Variants in MYO10 observed in about 807,000 individuals in gnomAD.
MYO10 encodes myosin X.
Under a neutral mutation model 257.3 loss-of-function variants are expected in MYO10, and 133 were observed. That is an observed-to-expected ratio of 0.52 (90% CI 0.45 to 0.60). The LOEUF (loss-of-function observed/expected upper bound fraction) is 0.60, where lower values mean the gene tolerates loss of function less well. Ranked by LOEUF, MYO10 falls within the 20% of genes least tolerant of loss-of-function variation. The pLI is 0.00. For synonymous variants in MYO10, 1,104 were observed against 1,028.6 expected (o/e 1.07, Z -1.40); for missense variants, 2,399 against 2,635.7 (o/e 0.91, Z 1.97).
intron 19 of MYO10, among the ~76,000 whole-genome samples, chr5:16,749,397 G>A (rs1403576414): frequency 1.3e-5 from 2 of 151,130 alleles, no homozygotes; most frequent in African/African-American, 4.9e-5. Flanking sequence ...TGAGGCAGGA[G>A]AATCGCTTGA....
intron 11 of MYO10, among the ~76,000 whole-genome samples, chr5:16,765,478 C>T (rs1206044469): frequency 6.6e-6 from 1 of 152,162 alleles, no homozygotes. Flanking sequence ...ATAAACTCCC[C>T]TTTATATCTA....
At chr5:16,850,677 G>T (rs925789156) in intron 2 of MYO10, among the ~76,000 whole-genome samples, 7 of 152,042 alleles carry the variant, frequency 4.6e-5, no homozygotes, top group Non-Finnish European at 8.8e-5. Flanking sequence ...AGGAGGAAAA[G>T]ACCACATATA....
chr5:16,853,910 CT>C (rs1743886566), intron 2 of MYO10: 1 of 152,012 alleles, frequency 6.6e-6, no homozygotes, highest in Non-Finnish European at 1.5e-5. Flanking sequence ...CCTTCCTTAT[CT>C]TTCAATCTTC....
At chr5:16,712,751 A>C (rs570126239) in intron 19 of MYO10, among the ~76,000 whole-genome samples, 27 of 152,366 alleles carry the variant, frequency 1.8e-4, no homozygotes, top group Non-Finnish European at 3.2e-4. Flanking sequence ...TTTCTTCTAC[A>C]AACACTGTGG....
At chr5:16,828,009 G>A (rs1458530730) in intron 2 of MYO10, among the ~76,000 whole-genome samples, 1 of 152,186 alleles carries the variant, frequency 6.6e-6, no homozygotes, top group Non-Finnish European at 1.5e-5. Context: ...AGGGCCACGT[G>A]TTCAGAGATG....
At chr5:16,914,749 C>T (rs1745768571) in intron 1 of MYO10, among the ~76,000 whole-genome samples, 1 of 152,148 alleles carries the variant, frequency 6.6e-6, no homozygotes, top group African/African-American at 2.4e-5. Context: ...ACTGCCAGTC[C>T]TTGGAACCGG....
chr5:16,699,632 A>ATACC, intron 25 of MYO10, 59 bp from the exon 26 acceptor site: 1 of 1,604,084 alleles, frequency 6.2e-7, no homozygotes, highest in African/African-American at 1.3e-5. Context: ...AGCCACGAAG[A>ATACC]TACCCAGCAT....
intron 19 of MYO10, chr5:16,742,264 C>T: frequency 1.0e-6 from 1 of 984,192 alleles, no homozygotes; most frequent in Non-Finnish European, 1.2e-6. Context: ...TTATCCTGAT[C>T]TCTACAGAGC....
At chr5:16,796,438 A>AAG (rs1160385153) in intron 3 of MYO10, among the ~76,000 whole-genome samples, 2 of 85,144 alleles carry the variant, frequency 2.3e-5, no homozygotes, top group African/African-American at 1.1e-4. Flanking sequence ...AAAGAAAAGA[A>AAG]AGACAGAAAG....
intron 32 of MYO10, 75 bp from the exon 33 acceptor site, chr5:16,680,179 C>T: frequency 6.6e-7 from 1 of 1,509,606 alleles, no homozygotes; most frequent in Non-Finnish European, 9.0e-7. Context: ...TGTGTCCTCT[C>T]TGACCTCAGT....
chr5:16,881,773 C>T (rs1005321486), intron 1 of MYO10, among the ~76,000 whole-genome samples: 2 of 152,126 alleles, frequency 1.3e-5, no homozygotes, highest in Admixed American at 6.6e-5. Flanking sequence ...CCGAAAGAGG[C>T]CACCCACAAG....
chr5:16,665,572 G>A lies in MYO10; in HGVS notation c.*1120C>T, dbSNP rs1185318139. 2 of 152,206 alleles carry A rather than the reference G, an allele frequency of 1.3e-5. No individual in the cohort carries two copies. The highest frequency in any genetic ancestry group is 2.9e-5 in the Non-Finnish European group (2 of 68,044). 9.4% of individuals were successfully genotyped at this position (152,206 alleles called of 1,614,324 possible). A position where few individuals can be genotyped will look rare whatever the true frequency, so the allele number is the denominator to read the frequency against. On this transcript the variant is annotated 3_prime_UTR_variant, in exon 41 of 41. Coordinates refer to ENST00000513610, the MANE Select transcript of MYO10 (RefSeq NM_012334.3). ...GTGTATTAAAGCCTCAGCATTTAAT[G>A]TCAGGGTCCTTTGAAGATTCACTCA...
At chr5:16,717,751 T>C (rs1738934072) in intron 19 of MYO10, among the ~76,000 whole-genome samples, 1 of 152,036 alleles carries the variant, frequency 6.6e-6, no homozygotes, top group South Asian at 2.1e-4. Context: ...GGGATTTAAC[T>C]CCATTTGCAT....
rs1054267028 is a variant in MYO10, at chr5:16,803,428, G to GA, written c.280-8596dup. Among the ~76,000 whole-genome samples the GA allele has an allele frequency of 7.5e-5, 11 of 146,486 alleles. No homozygotes were observed. The East Asian group carries it at 1.4e-3, about 19-fold the overall frequency. ...GACAGAGTGAGACCCTATCTCAAAA[G>GA]AAAAAAAAAAGTTTCAGCATACACA... On this transcript the variant is annotated intron_variant, in intron 3 of 40. Transcript: ENST00000513610.
At chr5:16,874,914 C>T (rs1383673257) in intron 2 of MYO10, among the ~76,000 whole-genome samples, 2 of 152,136 alleles carry the variant, frequency 1.3e-5, no homozygotes, top group Admixed American at 6.5e-5. Context: ...TTCCACATGG[C>T]TTGGGAGGCC....
Position 16,899,134 on chromosome 5 carries a change from C to CAA in MYO10, c.22-21429_22-21428dup, listed in dbSNP as rs60168960. The stretch of plus-strand genomic sequence containing the variant: ...TGGGTGACAGAACCAGACTCTGTCT[C>CAA]AAAAAAAAAAAAAAAAAAAGTGCTA... On this transcript the variant is annotated intron_variant, in intron 1 of 40. Transcript: ENST00000513610. 3.2e-4 allele frequency among the ~76,000 whole-genome samples: 33 copies of CAA among 103,342 alleles called. 1 individual carries two copies. The highest frequency in any genetic ancestry group is 1.0e-3 in the African/African-American group (29 of 28,832). 67.8% of individuals were successfully genotyped at this position (103,342 alleles called of 152,430 possible).
chr5:16,754,820 A>C lies in MYO10; in HGVS notation c.1929+8T>G, dbSNP rs200240997. The C allele has an allele frequency of 1.3e-5, 20 of 1,585,950 alleles. No homozygotes were observed. Among genetic ancestry groups the C allele is most frequent in the Non-Finnish European group, 1.7e-5 (20 of 1,160,962 alleles). ...CAGATCCCAGCCTAGGACTGTCATC[A>C]ATCTTACCTTCTGCATGTTTGGCTT... On this transcript the variant is annotated splice_region_variant and intron_variant, in intron 19 of 40. Transcript: ENST00000513610.
At chr5:16,774,231 T>C (rs576674801) in intron 9 of MYO10, among the ~76,000 whole-genome samples, 1 of 152,258 alleles carries the variant, frequency 6.6e-6, no homozygotes, top group East Asian at 1.9e-4. Flanking sequence ...CCAATCATCA[T>C]GCACAAAAGG....
At chr5:16,719,762 G>A (rs578243887) in intron 19 of MYO10, among the ~76,000 whole-genome samples, 10 of 152,184 alleles carry the variant, frequency 6.6e-5, no homozygotes, top group Admixed American at 2.6e-4. Context: ...TCAGGAGTTC[G>A]AGACCAGCCT....
Sources: allele counts gnomAD v4.1 joint callset (sites outside exome capture counted in the v4.1 genomes callset), GRCh38; gene constraint gnomAD v4.1.1; transcripts MANE v1.5; gene names NCBI Gene and HGNC (gene_info 2026-07-23, HGNC 2026-07-21).